Variants in NBAS observed in about 807,000 individuals in gnomAD.
NBAS encodes the protein NAG/BC035112 fusion.
In NBAS, 219 loss-of-function variants were observed where a neutral mutation model predicts 302.5. The observed-to-expected ratio is 0.72, with a 90% CI of 0.65 to 0.81. The LOEUF is 0.81. Among genes scored for constraint, NBAS ranks in the 30% least tolerant of loss-of-function variants. The probability of loss-of-function intolerance (pLI) is 0.00; values close to 1 mark genes in which losing one functional copy is unlikely to be tolerated. For synonymous variants in NBAS, 1,118 were observed against 1,021.6 expected, an observed-to-expected ratio of 1.09 and a Z score of -1.80; for missense variants, 2,932 against 2,841.6, an observed-to-expected ratio of 1.03 and a Z score of -0.72.
the NBAS span, among the ~76,000 whole-genome samples, chr2:15,133,274 T>G: frequency 9.3e-5 from 14 of 150,336 alleles, no homozygotes; most frequent in Admixed American, 3.3e-4. Context: ...GACGTACACA[T>G]GAGGTTTTCA....
the NBAS span, among the ~76,000 whole-genome samples, chr2:14,949,272 A>C: frequency 1.3e-5 from 2 of 152,224 alleles, no homozygotes; most frequent in African/African-American, 4.8e-5. Flanking sequence ...GCTTCTGCAC[A>C]GCAAAGCAAA....
chr2:15,245,632 T>TGGAC (rs879535923), intron 44 of NBAS, among the ~76,000 whole-genome samples: 4 of 151,168 alleles, frequency 2.6e-5, no homozygotes, highest in Non-Finnish European at 4.4e-5. Context: ...GATGGATGGA[T>TGGAC]GGATGGATGG....
At chr2:15,366,759 C>CAT in intron 31 of NBAS, 66 bp from the exon 32 acceptor site, 1 of 1,413,636 alleles carries the variant, frequency 7.1e-7, no homozygotes, top group Non-Finnish European at 1.0e-6. Flanking sequence ...AATGGCCTTC[C>CAT]TAATGCAAGG....
At chr2:14,990,292 T>C in the NBAS span, among the ~76,000 whole-genome samples, 1 of 145,826 alleles carries the variant, frequency 6.9e-6, no homozygotes, top group African/African-American at 2.5e-5. Context: ...GGCATGGTGG[T>C]GCACGCCTGT....
the NBAS span, among the ~76,000 whole-genome samples, chr2:15,132,642 A>G: frequency 6.6e-6 from 1 of 152,160 alleles, no homozygotes; most frequent in African/African-American, 2.4e-5. Context: ...ATTGTAGCAA[A>G]TGTGCAGGGT....
At chr2:15,023,863 G>T in the NBAS span, among the ~76,000 whole-genome samples, 108 of 150,878 alleles carry the variant, frequency 7.2e-4, no homozygotes, top group African/African-American at 2.5e-3. Context: ...CAATATCTTT[G>T]GTATTTGACT....
the NBAS span, among the ~76,000 whole-genome samples, chr2:14,943,646 C>T: frequency 6.6e-6 from 1 of 152,170 alleles, no homozygotes; most frequent in Non-Finnish European, 1.5e-5. Flanking sequence ...TGTTTTACAT[C>T]TGTGAAAACT....
chr2:15,084,636 C>A, the NBAS span, among the ~76,000 whole-genome samples: 1 of 150,258 alleles, frequency 6.7e-6, no homozygotes, highest in Non-Finnish European at 1.5e-5. Context: ...TCTTCCACTT[C>A]TGGAGGCAGG....
chr2:15,539,389 C>G, intron 6 of NBAS, 33 bp from the exon 7 acceptor site: 1 of 1,613,228 alleles, frequency 6.2e-7, no homozygotes, highest in Middle Eastern at 1.7e-4. Context: ...GTGCTTCTAA[C>G]AATATATTAC....
chr2:15,457,125 G>A (rs1416566288), intron 21 of NBAS, among the ~76,000 whole-genome samples: 1 of 152,184 alleles, frequency 6.6e-6, no homozygotes, highest in African/African-American at 2.4e-5. Flanking sequence ...CTGTGTGGCA[G>A]GAATGGAGAG....
intron 9 of NBAS, among the ~76,000 whole-genome samples, chr2:15,528,949 T>C (rs556078510): frequency 1.2e-3 from 182 of 146,518 alleles, no homozygotes; most frequent in African/African-American, 4.4e-3. Context: ...TCTAAGAATA[T>C]GAGATCTTAG....
chr2:15,095,519 C>G, the NBAS span, among the ~76,000 whole-genome samples: 1 of 152,178 alleles, frequency 6.6e-6, no homozygotes, highest in African/African-American at 2.4e-5. Flanking sequence ...TCCCTCCCAC[C>G]ACACGTGGGA....
At chr2:15,364,270 G>A (rs1054932487) in intron 32 of NBAS, among the ~76,000 whole-genome samples, 2 of 152,150 alleles carry the variant, frequency 1.3e-5, no homozygotes, top group Non-Finnish European at 2.9e-5. Context: ...CAGTGGTCAC[G>A]CCTGTAATCC....
intron 35 of NBAS, among the ~76,000 whole-genome samples, chr2:15,333,840 TAAA>T (rs554151194): frequency 2.6e-4 from 24 of 92,392 alleles, no homozygotes; most frequent in Non-Finnish European, 3.4e-4. Context: ...ACAGTGGAGG[TAAA>T]AAAAAAAAAA....
chr2:15,264,115 A>G (rs1366982334), intron 44 of NBAS, among the ~76,000 whole-genome samples: 3 of 152,198 alleles, frequency 2.0e-5, no homozygotes, highest in Non-Finnish European at 2.9e-5. Flanking sequence ...GTCACTAAAG[A>G]TTTACAGTTG....
chr2:14,866,505 T>A, the NBAS span, among the ~76,000 whole-genome samples: 3 of 152,098 alleles, frequency 2.0e-5, no homozygotes, highest in Non-Finnish European at 4.4e-5. Flanking sequence ...TTATCTAGAA[T>A]GTCTCTTACT....
At chr2:15,007,124 C>T in the NBAS span, among the ~76,000 whole-genome samples, 1 of 152,302 alleles carries the variant, frequency 6.6e-6, no homozygotes, top group African/African-American at 2.4e-5. Context: ...TTGCTTTCCA[C>T]CAAGGGCATT....
chr2:14,808,140 T>C, the NBAS span, among the ~76,000 whole-genome samples: 1 of 152,258 alleles, frequency 6.6e-6, no homozygotes, highest in East Asian at 1.9e-4. Context: ...CTTTATTTAA[T>C]GCTATGACAA....
chr2:15,102,255 G>A, the NBAS span, among the ~76,000 whole-genome samples: 3 of 152,136 alleles, frequency 2.0e-5, no homozygotes, highest in African/African-American at 7.2e-5. Context: ...AAGTGCAGGC[G>A]AAGTTTGGAG....
Sources: gnomAD v4.1 joint callset for allele counts (sites outside exome capture counted in the v4.1 genomes callset) on GRCh38, gnomAD v4.1.1 for gene constraint, MANE v1.5 for transcripts, NCBI Gene and HGNC (gene_info 2026-07-23, HGNC 2026-07-21) for gene names.